The following NEK7 variants were observed in gnomAD, a reference collection of about 807,000 sequenced individuals.
The protein encoded by NEK7 is NIMA related kinase 7.
A neutral mutation model predicts 44.6 loss-of-function variants in NEK7; 18 were observed. The ratio of observed to expected loss-of-function variants is 0.40; its 90% CI spans 0.28 to 0.60. NEK7 has a LOEUF of 0.60. Among genes scored for constraint, NEK7 ranks in the 20% least tolerant of loss-of-function variants. The pLI is 0.38. For synonymous variants in NEK7, 130 were observed against 121.1 expected, an observed-to-expected ratio of 1.07 and a Z score of -0.48; for missense variants, 256 against 366.5, an observed-to-expected ratio of 0.70 and a Z score of 2.46.
At chr1:198,191,432 C>T (rs1217816697) in intron 1 of NEK7, among the ~76,000 whole-genome samples, 1 of 151,796 alleles carries the variant, frequency 6.6e-6, no homozygotes, top group African/African-American at 2.4e-5. Flanking sequence ...TTTTCATATG[C>T]TCTTCTACAA....
At chr1:198,256,429 A>G in intron 3 of NEK7, 1 of 1,611,230 alleles carries the variant, frequency 6.2e-7, no homozygotes, top group Non-Finnish European at 8.5e-7. Flanking sequence ...ATATGGCAAC[A>G]TTAACCAATC....
intron 8 of NEK7, among the ~76,000 whole-genome samples, chr1:198,295,806 C>T (rs1209780632): frequency 1.4e-5 from 2 of 146,434 alleles, no homozygotes; most frequent in Non-Finnish European, 3.0e-5. Context: ...ACAAAAACCA[C>T]TATTATTATT....
intron 1 of NEK7, among the ~76,000 whole-genome samples, chr1:198,168,407 G>A (rs1664332447): frequency 6.6e-6 from 1 of 152,084 alleles, no homozygotes; most frequent in African/African-American, 2.4e-5. Context: ...GGCCTTTTTT[G>A]TTTGTGTTGT....
intron 1 of NEK7, among the ~76,000 whole-genome samples, chr1:198,180,704 A>G (rs1191027708): frequency 6.6e-6 from 1 of 152,136 alleles, no homozygotes. Flanking sequence ...AAGAATTGCA[A>G]TGAGAACACA....
chr1:198,315,367 C>T (rs1655334485), intron 9 of NEK7, among the ~76,000 whole-genome samples: 1 of 152,198 alleles, frequency 6.6e-6, no homozygotes, highest in African/African-American at 2.4e-5. Context: ...CCCGGTACCT[C>T]AGATGGAAAT....
intron 9 of NEK7, among the ~76,000 whole-genome samples, chr1:198,302,989 G>C (rs1654933133): frequency 6.6e-6 from 1 of 151,986 alleles, no homozygotes; most frequent in African/African-American, 2.4e-5. Flanking sequence ...TCTCCTCTCT[G>C]TTCTTAACCC....
chr1:198,223,183 T>C (rs1482476393), intron 1 of NEK7, among the ~76,000 whole-genome samples: 2 of 152,216 alleles, frequency 1.3e-5, no homozygotes, highest in Non-Finnish European at 2.9e-5. Flanking sequence ...TATAATTTGA[T>C]TTATGTTTTC....
intron 1 of NEK7, among the ~76,000 whole-genome samples, chr1:198,231,587 A>G (rs931380542): frequency 1.3e-5 from 2 of 151,900 alleles, no homozygotes; most frequent in African/African-American, 4.8e-5. Flanking sequence ...TAATTCATAC[A>G]TAGTACACAA....
At chr1:198,250,499 T>G (rs1652906898) in intron 2 of NEK7, among the ~76,000 whole-genome samples, 1 of 150,520 alleles carries the variant, frequency 6.6e-6, no homozygotes, top group African/African-American at 2.4e-5. Context: ...ATATTGATTC[T>G]TCCTACCCAT....
At chr1:198,309,304 T>A (rs1571620661) in intron 9 of NEK7, among the ~76,000 whole-genome samples, 1 of 151,306 alleles carries the variant, frequency 6.6e-6, no homozygotes, top group South Asian at 2.1e-4. Flanking sequence ...GAACTACAAG[T>A]GCTTTATTAT....
intron 4 of NEK7, 22 bp downstream of exon 4, chr1:198,262,659 CTT>C (rs1440187601): frequency 1.4e-6 from 2 of 1,423,256 alleles, no homozygotes; most frequent in Non-Finnish European, 2.0e-6. Context: ...ACTGTTGACT[CTT>C]TTGAACATAA....
intron 7 of NEK7, among the ~76,000 whole-genome samples, chr1:198,289,601 C>T (rs917992174): frequency 6.6e-6 from 1 of 152,146 alleles, no homozygotes; most frequent in Non-Finnish European, 1.5e-5. Context: ...TTAAAAAACA[C>T]ACAAAAAAGC....
At chr1:198,319,261 C>T (rs1026579875) in intron 9 of NEK7, 151 bp from the exon 10 acceptor site, 2 of 521,054 alleles carry the variant, frequency 3.8e-6, no homozygotes, top group Admixed American at 3.5e-5. Flanking sequence ...TCATTGGCAG[C>T]AGTCTTATAT....
chr1:198,258,165 C>T (rs1653338093), intron 3 of NEK7, among the ~76,000 whole-genome samples: 2 of 152,098 alleles, frequency 1.3e-5, no homozygotes, highest in African/African-American at 4.8e-5. Context: ...TAGAGCCGGG[C>T]ACGGTGACTC....
At chr1:198,260,108 A>G (rs1389238779) in intron 3 of NEK7, among the ~76,000 whole-genome samples, 1 of 152,194 alleles carries the variant, frequency 6.6e-6, no homozygotes, top group African/African-American at 2.4e-5. Flanking sequence ...AAGGGTGGGC[A>G]TTAACAGTTT....
chr1:198,314,381 T>G (rs979038747), intron 9 of NEK7, among the ~76,000 whole-genome samples: 1 of 152,196 alleles, frequency 6.6e-6, no homozygotes, highest in Non-Finnish European at 1.5e-5. Context: ...GGTTTGAATG[T>G]CCTCCCGTAG....
chr1:198,169,897 A>G (rs532905974), intron 1 of NEK7, among the ~76,000 whole-genome samples: 83 of 152,320 alleles, frequency 5.4e-4, no homozygotes, highest in African/African-American at 1.9e-3. Flanking sequence ...TGTAGGGCCT[A>G]GGACCATTCT....
chr1:198,220,463 A>G (rs1335174741), intron 1 of NEK7, among the ~76,000 whole-genome samples: 1 of 152,100 alleles, frequency 6.6e-6, no homozygotes, highest in Non-Finnish European at 1.5e-5. Context: ...AGAAACATTC[A>G]TGGTTCTTTT....
intron 1 of NEK7, among the ~76,000 whole-genome samples, chr1:198,180,594 C>A (rs1664737402): frequency 6.6e-6 from 1 of 151,962 alleles, no homozygotes. Flanking sequence ...CCTTTGGGTA[C>A]AACATTTTCT....
Sources: allele counts gnomAD v4.1 joint callset (sites outside exome capture counted in the v4.1 genomes callset), GRCh38; gene constraint gnomAD v4.1.1; transcripts MANE v1.5; gene names NCBI Gene and HGNC (gene_info 2026-07-23, HGNC 2026-07-21).